CELSR1: variants seen among roughly 807,000 people sequenced by gnomAD.
The protein encoded by CELSR1 is adhesion G protein-coupled receptor C1.
A neutral mutation model predicts 249.1 loss-of-function variants in CELSR1; 110 were observed. The observed-to-expected ratio is 0.44, with a 90% CI of 0.38 to 0.52. The LOEUF (loss-of-function observed/expected upper bound fraction) is 0.52. Ranked by LOEUF, CELSR1 falls within the 20% of genes least tolerant of loss-of-function variation. The probability of loss-of-function intolerance (pLI) is 0.00; values close to 1 mark genes in which losing one functional copy is unlikely to be tolerated. For synonymous variants in CELSR1, 2,113 were observed against 1,900.0 expected (o/e 1.11, Z -2.92); for missense variants, 4,109 against 4,296.4 (o/e 0.96, Z 1.22).
In CELSR1 at chr22:46,398,637, T is replaced by C. The variant is rs903247655; in HGVS notation, c.5413A>G (p.Asn1805Asp). The C allele has an allele frequency of 3.7e-6, 6 of 1,611,598 alleles. No individual in the cohort carries two copies. Among genetic ancestry groups the C allele is most frequent in the Non-Finnish European group, 5.1e-6 (6 of 1,178,960 alleles). ...AGCATGCCCCCGATATCTGCCTTGTTCTGTGCGGAGAGAGGGGCCGGGGAT... is the reference window on the plus strand; with the variant it reads ...AGCATGCCCCCGATATCTGCCTTGTCCTGTGCGGAGAGAGGGGCCGGGGAT... ...TMTLDYGMDQ[N>D]KADIGGMLPG... Residue 1805 changes from asparagine to aspartate, a missense_variant and splice_region_variant, in exon 11 of 35, where the codon AAC (asparagine) becomes GAC (aspartate). Physicochemically the swap from Asn to Asp is conservative, Grantham distance 23 (BLOSUM62 1). Coordinates refer to ENST00000674500, the MANE Select transcript of CELSR1 (RefSeq NM_001378328.1). The surrounding 1 kb of genome is among the most constrained non-coding windows in gnomAD (Gnocchi z 7.2).
rs777310388 is a variant in CELSR1 at position 46,398,640 on chromosome 22, G to A, written c.5413-3C>T. 1 of 1,606,804 alleles carries A rather than the reference G, an allele frequency of 6.2e-7. No homozygotes were observed. On this transcript the variant is annotated splice_polypyrimidine_tract_variant and splice_region_variant and intron_variant, in intron 10 of 34. Transcript: ENST00000674500. This position sits in a 1 kb window ranked among gnomAD's most constrained non-coding sequence, Gnocchi z 7.2. ...ATGCCCCCGATATCTGCCTTGTTCT[G>A]TGCGGAGAGAGGGGCCGGGGATCTG...
intron 20 of CELSR1, among the ~76,000 whole-genome samples, chr22:46,383,566 G>A (rs1043924694): frequency 6.6e-6 from 1 of 152,298 alleles, no homozygotes; most frequent in African/African-American, 2.4e-5. Context: ...TTGCTCTGCT[G>A]CCCAGGCTGG....
chr22:46,366,618 GC>G, intron 29 of CELSR1, 138 bp from the exon 30 acceptor site: 1 of 723,626 alleles, frequency 1.4e-6, no homozygotes, highest in Non-Finnish European at 2.4e-6. Flanking sequence ...GGAGGAGCTG[GC>G]CCCAAGCAGT....
chr22:46,365,788 T>A (rs1351669635), intron 30 of CELSR1, 99 bp from the exon 31 acceptor site: 4 of 814,814 alleles, frequency 4.9e-6, no homozygotes, highest in Non-Finnish European at 7.4e-6. Context: ...CCCTTCTGTG[T>A]TCCCAACAAC....
At chr22:46,439,448 C>T (rs527743822) in intron 2 of CELSR1, 37 bp from the exon 3 acceptor site, 36 of 1,555,884 alleles carry the variant, frequency 2.3e-5, no homozygotes, top group Non-Finnish European at 3.0e-5. Context: ...GAGGAGGTTA[C>T]CGACCAGCCA....
At position 46,398,314 on chromosome 22, in the gene CELSR1, G is replaced by C. The variant is rs554306777; in HGVS notation, c.5526+210C>G. Among the ~76,000 whole-genome samples, 1 of 152,244 alleles carries C rather than the reference G, an allele frequency of 6.6e-6. No individual in the cohort carries two copies. Among genetic ancestry groups the C allele is most frequent in the South Asian group, 2.1e-4 (1 of 4,822 alleles). The stretch of plus-strand genomic sequence containing the variant: ...GGCATGGCGGTGGGGAGCTGTGGGG[G>C]CCAGGGACGGCCCGGATGCCAAGGG... On this transcript the variant is annotated intron_variant, in intron 11 of 34. Transcript: ENST00000674500. The surrounding 1 kb of genome is among the most constrained non-coding windows in gnomAD (Gnocchi z 7.2).
chr22:46,422,538 T>C (rs893662610), intron 5 of CELSR1, among the ~76,000 whole-genome samples: 7 of 151,098 alleles, frequency 4.6e-5, no homozygotes, highest in Admixed American at 6.6e-5. Context: ...ACTGAGACCA[T>C]CCTGGCCAAC....
At position 46,506,554 on chromosome 22, in the gene CELSR1, C is replaced by A. The variant is rs2080517057; in HGVS notation, c.3544+27073G>T. Among the ~76,000 whole-genome samples, 1 of 152,224 alleles carries A rather than the reference C, an allele frequency of 6.6e-6. No homozygotes were observed. Among genetic ancestry groups the A allele is most frequent in the South Asian group, 2.1e-4 (1 of 4,832 alleles). On this transcript the variant is annotated intron_variant, in intron 1 of 34. Transcript: ENST00000674500. This position sits in a 1 kb window ranked among gnomAD's most constrained non-coding sequence, Gnocchi z 4.1. ...CCCCAGCCCCCCAAGTCTCACAAGT[C>A]CAGAGAGCTGTCTCACCTCCTGGAA...
chr22:46,378,224 G>GCGGCAC (rs1218407923), intron 23 of CELSR1, among the ~76,000 whole-genome samples: 1 of 152,224 alleles, frequency 6.6e-6, no homozygotes, highest in Non-Finnish European at 1.5e-5. Flanking sequence ...CAGGTGGGGA[G>GCGGCAC]CGGCACCGTC....
intron 1 of CELSR1, chr22:46,481,590 G>A: frequency 2.5e-6 from 2 of 798,778 alleles, no homozygotes; most frequent in Admixed American, 3.8e-5. Context: ...CGATGCACTG[G>A]TGCACCTGCT....
chr22:46,377,165 G>C lies in CELSR1; in HGVS notation c.7480C>G (p.Arg2494Gly). ...LVAFVLLSLV[R>G]MLRSNLHSIH... ...CTGTGCAGGTTGGAGCGCAGCATGC[G>C]GACCAGGCTCAGGAGGACGAAGGCC... Residue 2494 changes from arginine (R) to glycine (G), a missense_variant, in exon 24 of 35, where the codon CGC becomes GGC. Arg to Gly is a moderately radical substitution (Grantham distance 125). This residue lies in a region of CELSR1 where 1,805 missense variants were observed against 1,831.6 expected (regional missense o/e 0.99). Coordinates refer to ENST00000674500, the MANE Select transcript of CELSR1 (RefSeq NM_001378328.1). The C allele has an allele frequency of 1.9e-6, 3 of 1,613,902 alleles. No individual in the cohort carries two copies. The highest frequency in any genetic ancestry group is 2.5e-6 in the Non-Finnish European group (3 of 1,180,016).
intron 22 of CELSR1, among the ~76,000 whole-genome samples, chr22:46,379,128 G>A (rs1249204333): frequency 2.0e-5 from 3 of 152,196 alleles, no homozygotes; most frequent in South Asian, 4.1e-4. Context: ...ACACAGCTGC[G>A]ATGCGGTCCC....
intron 27 of CELSR1, among the ~76,000 whole-genome samples, chr22:46,368,361 T>A (rs1012565696): frequency 6.6e-5 from 10 of 151,822 alleles, no homozygotes; most frequent in Admixed American, 2.0e-4. Flanking sequence ...GGTCCACAGG[T>A]CGTGGATGGC....
chr22:46,395,127 G>T lies in CELSR1; in HGVS notation c.5844-865C>A, dbSNP rs560633116. Among the ~76,000 whole-genome samples the T allele has an allele frequency of 6.6e-6, 1 of 152,342 alleles. No individual in the cohort carries two copies. Among genetic ancestry groups the T allele is most frequent in the African/African-American group, 2.4e-5 (1 of 41,576 alleles). On this transcript the variant is annotated intron_variant, in intron 13 of 34. Transcript: ENST00000674500. The surrounding 1 kb of genome is among the most constrained non-coding windows in gnomAD (Gnocchi z 5.5). ...ACTGTGTACAAATCAGGGTCATAAAGACAACCAGGCCAGAGATAGAGTCTG... is the reference window on the plus strand; with the variant it reads ...ACTGTGTACAAATCAGGGTCATAAATACAACCAGGCCAGAGATAGAGTCTG...
At chr22:46,481,708 A>G (rs1602196289) in intron 1 of CELSR1, 2 of 529,886 alleles carry the variant, frequency 3.8e-6, no homozygotes, top group Middle Eastern at 5.2e-4. Flanking sequence ...GGAGTCCACC[A>G]CCTCCTGCAC....
Position 46,439,168 on chromosome 22 carries a change from CGCGGCGGG to C in CELSR1, c.4406+13_4406+20del. Reference sequence around the variant, plus strand: ...CTTTCCTAAAGAGACCCCCGTGTGGCGCGGCGGGACGCACACTCACGTGAGGGAGATGG... The same window carrying C: ...CTTTCCTAAAGAGACCCCCGTGTGGCACGCACACTCACGTGAGGGAGATGG... On this transcript the variant is annotated intron_variant, in intron 3 of 34. Transcript: ENST00000674500. 6.2e-7 allele frequency: 1 copy of C among 1,600,204 alleles called. No homozygotes were observed. Among genetic ancestry groups the C allele is most frequent in the Non-Finnish European group, 8.5e-7 (1 of 1,170,510 alleles).
rs996271419 is a variant in CELSR1 at position 46,472,377 on chromosome 22, C to T, written c.3545-8032G>A. Among the ~76,000 whole-genome samples the T allele has an allele frequency of 3.9e-5, 6 of 152,184 alleles. No homozygotes were observed. The highest frequency in any genetic ancestry group is 1.2e-4 in the African/African-American group (5 of 41,448). On this transcript the variant is annotated intron_variant, in intron 1 of 34. Transcript: ENST00000674500. This position sits in a 1 kb window ranked among gnomAD's most constrained non-coding sequence, Gnocchi z 7.0. ...GGGGCAGTGGGGGCAGAGGTCACATCATGGCCCTCAAGGAGCAGGCAGCCC... is the reference window on the plus strand; with the variant it reads ...GGGGCAGTGGGGGCAGAGGTCACATTATGGCCCTCAAGGAGCAGGCAGCCC...
rs760420648 is a variant in CELSR1, at chr22:46,534,212, C to T, written c.2959G>A (p.Val987Met). 1.2e-5 allele frequency: 20 copies of T among 1,613,724 alleles called. No individual in the cohort carries two copies. The South Asian group carries it at 2.1e-4, about 17-fold the overall frequency. The change falls in exon 1 of 35, where the codon GTG becomes ATG. Residue 987 changes from valine (V) to methionine (M), a missense_variant. Physicochemically the swap from Val to Met is conservative, Grantham distance 21 (BLOSUM62 1). This residue lies in a region of CELSR1 where 886 missense variants were observed against 896.5 expected (regional missense o/e 0.99). Transcript: ENST00000674500. This position sits in a 1 kb window ranked among gnomAD's most constrained non-coding sequence, Gnocchi z 9.7. ...TPLSASVEIQVTILDINDNAP... is the reference protein window; with the variant it reads ...TPLSASVEIQMTILDINDNAP... The stretch of plus-strand genomic sequence containing the variant: ...TTGTCATTAATGTCCAAGATGGTCA[C>T]CTGGATTTCTACCGAGGCGCTAAGG...
chr22:46,390,517 G>A lies in CELSR1; in HGVS notation c.6251-31C>T. 2 of 1,544,754 alleles carry A rather than the reference G, an allele frequency of 1.3e-6. No individual in the cohort carries two copies. Among genetic ancestry groups the A allele is most frequent in the Non-Finnish European group, 8.9e-7 (1 of 1,120,268 alleles). On this transcript the variant is annotated intron_variant, in intron 16 of 34. Transcript: ENST00000674500. The surrounding 1 kb of genome is among the most constrained non-coding windows in gnomAD (Gnocchi z 6.3). Reference sequence around the variant, plus strand: ...GAAGGAGAGCAGGTGTGCAAAGCCTGAAACTCAAACTGTTGATCAATGCTT... The same window carrying A: ...GAAGGAGAGCAGGTGTGCAAAGCCTAAAACTCAAACTGTTGATCAATGCTT...
Sources: gnomAD v4.1 joint callset for allele counts (sites outside exome capture counted in the v4.1 genomes callset) on GRCh38, gnomAD v4.1.1 for gene constraint, gnomAD v4.1.1 regional missense constraint, Gnocchi (gnomAD v3.1) non-coding constraint, MANE v1.5 for transcripts, NCBI Gene and HGNC (gene_info 2026-07-23, HGNC 2026-07-21) for gene names.